The following GLDC variants were observed in gnomAD, a reference collection of about 807,000 sequenced individuals.
GLDC encodes glycine dehydrogenase (decarboxylating), mitochondrial.
In GLDC, 104 loss-of-function variants were observed where a neutral mutation model predicts 121.3. The ratio of observed to expected loss-of-function variants is 0.86; its 90% CI spans 0.73 to 1.01. The LOEUF is 1.01. Ranked by LOEUF, GLDC falls within the 50% of genes least tolerant of loss-of-function variation. The probability of loss-of-function intolerance (pLI) is 0.00; values close to 1 mark genes in which losing one functional copy is unlikely to be tolerated. For synonymous variants in GLDC, 546 were observed against 480.6 expected, an observed-to-expected ratio of 1.14 and a Z score of -1.78; for missense variants, 1,429 against 1,306.6, an observed-to-expected ratio of 1.09 and a Z score of -1.44.
chr9:6,621,735 C>A (rs995539995), intron 2 of GLDC, among the ~76,000 whole-genome samples: 2 of 152,156 alleles, frequency 1.3e-5, no homozygotes, highest in African/African-American at 4.8e-5. Context: ...CTAGGCTGGT[C>A]TCGAACTTCT....
At chr9:6,587,904 A>G (rs1460284731) in intron 14 of GLDC, among the ~76,000 whole-genome samples, 1 of 152,152 alleles carries the variant, frequency 6.6e-6, no homozygotes, top group African/African-American at 2.4e-5. Context: ...AATGAAAGAA[A>G]GAAAAAAAAA....
intron 16 of GLDC, among the ~76,000 whole-genome samples, chr9:6,562,685 T>C (rs1817781962): frequency 6.6e-6 from 1 of 151,982 alleles, no homozygotes; most frequent in East Asian, 1.9e-4. Flanking sequence ...TCAGCCTCCC[T>C]CAGTAGCTGG....
chr9:6,635,791 C>T (rs1339400431), intron 2 of GLDC, among the ~76,000 whole-genome samples: 3 of 152,030 alleles, frequency 2.0e-5, no homozygotes, highest in African/African-American at 7.2e-5. Context: ...GACAGGACTG[C>T]CTGAGCCGGA....
chr9:6,570,699 C>G (rs1817944246), intron 15 of GLDC, among the ~76,000 whole-genome samples: 1 of 151,952 alleles, frequency 6.6e-6, no homozygotes, highest in Non-Finnish European at 1.5e-5. Context: ...ACTAAAAATA[C>G]AAAAATTAGC....
chr9:6,570,000 C>G (rs915096075), intron 15 of GLDC, among the ~76,000 whole-genome samples: 2 of 152,106 alleles, frequency 1.3e-5, no homozygotes, highest in African/African-American at 4.8e-5. Context: ...TAAAAAACAT[C>G]GTGGCTAACT....
intron 2 of GLDC, among the ~76,000 whole-genome samples, chr9:6,630,975 C>G (rs1010195214): frequency 6.6e-6 from 1 of 152,198 alleles, no homozygotes; most frequent in Non-Finnish European, 1.5e-5. Flanking sequence ...TCAGCTGAAT[C>G]ACGGAATGTG....
Position 6,595,272 on chromosome 9 carries a change from T to A in GLDC, c.1156-153A>T, listed in dbSNP as rs57964364. On this transcript the variant is annotated intron_variant, in intron 8 of 24. Transcript: ENST00000321612. ...TTGATAGTTGGGGACAATTAATATA[T>A]AACCTGCCTGACTACCTGAAAGGAA... Among the ~76,000 whole-genome samples, 3,421 of 152,306 alleles carry A rather than the reference T, an allele frequency of 0.022. 120 individuals are homozygous for A. The highest frequency in any genetic ancestry group is 0.078 in the African/African-American group (3,250 of 41,556).
intron 21 of GLDC, among the ~76,000 whole-genome samples, chr9:6,548,212 T>C (rs534203855): frequency 1.3e-5 from 2 of 152,362 alleles, no homozygotes; most frequent in South Asian, 4.1e-4. Flanking sequence ...AACTGATTGA[T>C]GGAACCATGG....
Position 6,645,607 on chromosome 9 carries a change from T to C in GLDC, c.-108A>G. The C allele has an allele frequency of 2.5e-6, 2 of 795,284 alleles. No homozygotes were observed. Among genetic ancestry groups the C allele is most frequent in the South Asian group, 3.7e-5 (1 of 27,164 alleles). 49.3% of individuals were successfully genotyped at this position (795,284 alleles called of 1,614,324 possible). A position where few individuals can be genotyped will look rare whatever the true frequency, so the allele number is the denominator to read the frequency against. The stretch of plus-strand genomic sequence containing the variant: ...GCGGCTGCGCCCGGCCTGGAGCCCC[T>C]TTCGCTGGACAGTCGGCCGGACAGA... On this transcript the variant is annotated 5_prime_UTR_variant, in exon 1 of 25. Transcript: ENST00000321612.
rs144739356 is a variant in GLDC, at chr9:6,617,363, A to G, written c.470+2821T>C. Among the ~76,000 whole-genome samples, 928 of 152,356 alleles carry G rather than the reference A, an allele frequency of 6.1e-3. 14 individuals carry two copies. The highest frequency in any genetic ancestry group is 0.021 in the African/African-American group (888 of 41,584). On this transcript the variant is annotated intron_variant, in intron 3 of 24. Coordinates refer to ENST00000321612, the MANE Select transcript of GLDC (RefSeq NM_000170.3). ...GGTAAATTAACATCCGCCCACAGCC[A>G]GAAAGCAATATGGTGAATATTCTTT...
chr9:6,630,892 G>A (rs994324382), intron 2 of GLDC, among the ~76,000 whole-genome samples: 9 of 152,106 alleles, frequency 5.9e-5, no homozygotes, highest in African/African-American at 9.7e-5. Context: ...GCCCACTTAC[G>A]CAGTCCATAG....
intron 2 of GLDC, among the ~76,000 whole-genome samples, chr9:6,641,128 G>C (rs1819621902): frequency 6.6e-6 from 1 of 152,180 alleles, no homozygotes; most frequent in African/African-American, 2.4e-5. Context: ...AGAAGAGGGG[G>C]AGCATCCTTA....
chr9:6,593,217 C>G (rs143702057), intron 9 of GLDC: 2 of 474,644 alleles, frequency 4.2e-6, no homozygotes, highest in African/African-American at 4.0e-5. Flanking sequence ...TGCATTACTG[C>G]GTGTATTTTG....
At chr9:6,628,591 G>C (rs1587978656) in intron 2 of GLDC, among the ~76,000 whole-genome samples, 1 of 152,214 alleles carries the variant, frequency 6.6e-6, no homozygotes, top group African/African-American at 2.4e-5. Flanking sequence ...AGGAGTTCGA[G>C]CCTGACCAAC....
intron 2 of GLDC, among the ~76,000 whole-genome samples, chr9:6,638,312 G>A (rs1455967201): frequency 2.6e-5 from 4 of 151,874 alleles, no homozygotes; most frequent in African/African-American, 7.3e-5. Context: ...GGGTTCAAGC[G>A]ATTCTTCTGC....
chr9:6,565,503 C>T (rs1440636411), intron 15 of GLDC, 74 bp from the exon 16 acceptor site: 2 of 1,196,786 alleles, frequency 1.7e-6, no homozygotes, highest in Admixed American at 1.7e-5. Context: ...ATTTATTGGG[C>T]CCTGGCCAGG....
intron 21 of GLDC, among the ~76,000 whole-genome samples, chr9:6,546,866 G>A (rs1302934618): frequency 6.6e-6 from 1 of 151,950 alleles, no homozygotes; most frequent in African/African-American, 2.4e-5. Flanking sequence ...GGAAGCTGAG[G>A]CAGGAGAATC....
At position 6,595,017 on chromosome 9, in the gene GLDC, C is replaced by G. The variant is rs751178133; in HGVS notation, c.1258G>C (p.Glu420Gln). 1.3e-6 allele frequency: 2 copies of G among 1,573,412 alleles called. No homozygotes were observed. The highest frequency in any genetic ancestry group is 1.8e-6 in the Non-Finnish European group (2 of 1,142,828). Residue 420 changes from glutamate to glutamine, a missense_variant, in exon 9 of 25, where the codon GAA becomes CAA. Physicochemically the swap from Glu to Gln is conservative, Grantham distance 29 (BLOSUM62 2). Transcript: ENST00000321612. The part of the protein sequence containing the change: ...RVHNATLILS[E>Q]GLKRAGHQLQ... The stretch of plus-strand genomic sequence containing the variant: ...TTTAGACAGATTACCAACTCACCTT[C>G]TGACAAAATCAAAGTGGCATTATGT...
At position 6,587,388 on chromosome 9, in the gene GLDC, C is replaced by T. The variant is rs1343796533; in HGVS notation, c.1708-105G>A. The T allele has an allele frequency of 3.6e-6, 3 of 844,896 alleles. No homozygotes were observed. The African/African-American group carries it at 5.1e-5, about 14-fold the overall frequency. 52.3% of individuals were successfully genotyped at this position (844,896 alleles called of 1,614,324 possible). A position where few individuals can be genotyped will look rare whatever the true frequency, so the allele number is the denominator to read the frequency against. ...GATGAGAAAAGCTATGTGCCAGGCA[C>T]TGTTCTAAGCGCTATACATATGTTA... On this transcript the variant is annotated intron_variant, in intron 14 of 24. Coordinates refer to ENST00000321612, the MANE Select transcript of GLDC (RefSeq NM_000170.3).
Sources: allele counts gnomAD v4.1 joint callset (sites outside exome capture counted in the v4.1 genomes callset), GRCh38; gene constraint gnomAD v4.1.1; transcripts MANE v1.5; gene names NCBI Gene and HGNC (gene_info 2026-07-23, HGNC 2026-07-21).